Variants in GC observed in about 807,000 individuals in gnomAD.
GC encodes GC vitamin D binding protein, also known as vitamin D-binding protein.
Under a neutral mutation model 56.7 loss-of-function variants are expected in GC, and 43 were observed. The observed-to-expected ratio is 0.76, with a 90% CI of 0.59 to 0.98. GC has a LOEUF of 0.98. Ranked by LOEUF, GC falls within the 50% of genes least tolerant of loss-of-function variation. GC has a pLI of 0.00. For missense variants in GC, 529 were observed against 545.9 expected (o/e 0.97, Z 0.31); for synonymous variants, 216 against 202.7 (o/e 1.07, Z -0.56).
At chr4:71,762,178 A>G (rs562479813) in intron 6 of GC, among the ~76,000 whole-genome samples, 1 of 152,304 alleles carries the variant, frequency 6.6e-6, no homozygotes, top group Non-Finnish European at 1.5e-5. Context: ...GACCATGGGA[A>G]TATGCCTGTT....
At chr4:71,761,205 A>T (rs1179782905) in intron 6 of GC, among the ~76,000 whole-genome samples, 1 of 152,184 alleles carries the variant, frequency 6.6e-6, no homozygotes, top group African/African-American at 2.4e-5. Context: ...CTCAGATGGA[A>T]ATGAGGAGCT....
chr4:71,763,945 G>GA lies in GC; in HGVS notation c.474-10dup. ...AATATTCCCACATAAATCTGTGGAG[G>GA]AAAAAATAGAATTGGTCAAAAAATT... On this transcript the variant is annotated splice_polypyrimidine_tract_variant and intron_variant, in intron 4 of 12. Transcript: ENST00000273951. 1 of 1,604,106 alleles carries GA rather than the reference G, an allele frequency of 6.2e-7. No individual in the cohort carries two copies. Among genetic ancestry groups the GA allele is most frequent in the Non-Finnish European group, 8.5e-7 (1 of 1,173,182 alleles).
intron 1 of GC, among the ~76,000 whole-genome samples, chr4:71,777,684 C>A (rs1264624661): frequency 6.6e-6 from 1 of 150,478 alleles, no homozygotes; most frequent in Non-Finnish European, 1.5e-5. Flanking sequence ...CTGATAATAT[C>A]AAAATAACAA....
intron 3 of GC, among the ~76,000 whole-genome samples, chr4:71,767,782 C>T (rs540535790): frequency 6.6e-6 from 1 of 151,772 alleles, no homozygotes; most frequent in East Asian, 1.9e-4. Context: ...GTACAGTGTA[C>T]CTAATGTATA....
chr4:71,755,768 A>G (rs951042072), intron 8 of GC, among the ~76,000 whole-genome samples: 7 of 152,222 alleles, frequency 4.6e-5, no homozygotes, highest in African/African-American at 1.7e-4. Context: ...TGGATACTTC[A>G]AAAGGCTTTT....
intron 1 of GC, among the ~76,000 whole-genome samples, chr4:71,770,816 A>G (rs1742319477): frequency 6.6e-6 from 1 of 152,212 alleles, no homozygotes; most frequent in South Asian, 2.1e-4. Context: ...TATTAAATGT[A>G]ACTAGCCATT....
At chr4:71,770,306 C>T (rs1426288168) in intron 1 of GC, among the ~76,000 whole-genome samples, 1 of 152,048 alleles carries the variant, frequency 6.6e-6, no homozygotes, top group Non-Finnish European at 1.5e-5. Context: ...AAATATATTT[C>T]CCCCAGTCCC....
chr4:71,768,522 GCAGTGGTGTGAT>G (rs1385290929), intron 2 of GC, 89 bp from the exon 3 acceptor site: 4 of 1,160,516 alleles, frequency 3.4e-6, no homozygotes, highest in Non-Finnish European at 4.9e-6. Flanking sequence ...AGGCTGGAGT[GCAGTGGTGTGAT>G]CTCAGCTCAC....
chr4:71,783,948 A>G lies in GC; in HGVS notation c.58+13T>C. 4 of 1,577,920 alleles carry G rather than the reference A, an allele frequency of 2.5e-6. No homozygotes were observed. The highest frequency in any genetic ancestry group is 1.7e-6 in the Non-Finnish European group (2 of 1,162,782). On this transcript the variant is annotated intron_variant, in intron 1 of 12. Coordinates refer to ENST00000273951, the MANE Select transcript of GC (RefSeq NM_000583.4). ...AGAATTCCTGTAAATGGTCACAACA[A>G]AAGAAATCTTACCTCTCTCTAAAGC... is the stretch of plus-strand genomic sequence containing the variant.
At chr4:71,800,959 A>C (rs1743234034) in intron 1 of GC, among the ~76,000 whole-genome samples, 1 of 152,134 alleles carries the variant, frequency 6.6e-6, no homozygotes, top group Non-Finnish European at 1.5e-5. Context: ...TACCAAAAGA[A>C]TGAATATCAA....
chr4:71,757,895 G>T, intron 7 of GC, 147 bp downstream of exon 7: 1 of 630,064 alleles, frequency 1.6e-6, no homozygotes, highest in Non-Finnish European at 2.6e-6. Context: ...GTACAGTGAT[G>T]TTAATAATTA....
chr4:71,761,246 T>A (rs1024435014), intron 6 of GC, among the ~76,000 whole-genome samples: 3 of 152,146 alleles, frequency 2.0e-5, no homozygotes, highest in Admixed American at 2.0e-4. Flanking sequence ...GTGACTCTTG[T>A]TATGTATTAG....
upstream of GC, chr4:71,784,421 AC>A (rs2149307240): frequency 9.4e-6 from 5 of 531,174 alleles, no homozygotes; most frequent in South Asian, 3.3e-4. Context: ...TGGACACCCC[AC>A]CTTTCTCATA....
chr4:71,793,976 T>C (rs1353625636), intron 1 of GC, among the ~76,000 whole-genome samples: 1 of 152,240 alleles, frequency 6.6e-6, no homozygotes, highest in Admixed American at 6.5e-5. Context: ...TTGCTTATGT[T>C]GAACCAGCCT....
At chr4:71,763,009 G>A (rs1488898504) in intron 6 of GC, among the ~76,000 whole-genome samples, 2 of 152,210 alleles carry the variant, frequency 1.3e-5, no homozygotes, top group Non-Finnish European at 2.9e-5. Flanking sequence ...CAACAAGTAA[G>A]AATTCAGATG....
chr4:71,791,444 A>G (rs1352857441), intron 1 of GC, among the ~76,000 whole-genome samples: 2 of 151,848 alleles, frequency 1.3e-5, no homozygotes, highest in African/African-American at 2.4e-5. Context: ...GCACTGTATG[A>G]TTCTCTCTCT....
intron 1 of GC, among the ~76,000 whole-genome samples, chr4:71,782,894 C>A (rs902552123): frequency 6.6e-6 from 1 of 151,712 alleles, no homozygotes; most frequent in East Asian, 1.9e-4. Context: ...CTTTTTTATA[C>A]CCTATGCTGT....
intron 9 of GC, 92 bp downstream of exon 9, chr4:71,754,886 A>G: frequency 1.3e-6 from 1 of 789,840 alleles, no homozygotes; most frequent in Non-Finnish European, 2.0e-6. Context: ...GTAGGCCATA[A>G]AAAAGTAGGC....
chr4:71,763,544 C>T, intron 5 of GC, 42 bp from the exon 6 acceptor site: 1 of 1,175,730 alleles, frequency 8.5e-7, no homozygotes, highest in Non-Finnish European at 1.3e-6. Flanking sequence ...GGTCAAGACT[C>T]ATTGAATACT....
Sources: allele counts gnomAD v4.1 joint callset (sites outside exome capture counted in the v4.1 genomes callset), GRCh38; gene constraint gnomAD v4.1.1; transcripts MANE v1.5; gene names NCBI Gene and HGNC (gene_info 2026-07-23, HGNC 2026-07-21).